TMEM135: variants seen among roughly 807,000 people sequenced by gnomAD.
The protein encoded by TMEM135 is peroxisomal membrane protein 52.
Under a neutral mutation model 60.3 loss-of-function variants are expected in TMEM135, and 30 were observed. The ratio of observed to expected loss-of-function variants is 0.50; its 90% CI spans 0.37 to 0.68. The LOEUF is 0.68. Ranked by LOEUF, TMEM135 falls within the 30% of genes least tolerant of loss-of-function variation. The pLI, the probability that TMEM135 is intolerant of heterozygous loss-of-function variation, is 0.00. For synonymous variants in TMEM135, 190 were observed against 186.7 expected, an observed-to-expected ratio of 1.02 and a Z score of -0.14; for missense variants, 468 against 548.8, an observed-to-expected ratio of 0.85 and a Z score of 1.47.
intron 6 of TMEM135, among the ~76,000 whole-genome samples, chr11:87,239,255 G>T (rs995430406): frequency 6.6e-6 from 1 of 152,016 alleles, no homozygotes; most frequent in African/African-American, 2.4e-5. Flanking sequence ...TGAGGAAAGG[G>T]GTTGTTTTTC....
chr11:87,101,973 C>T (rs1031524145), intron 4 of TMEM135, among the ~76,000 whole-genome samples: 1 of 151,778 alleles, frequency 6.6e-6, no homozygotes, highest in Non-Finnish European at 1.5e-5. Context: ...AACTCCGTCT[C>T]GGGGAAAAAA....
chr11:87,195,355 T>G (rs1939916510), intron 5 of TMEM135, among the ~76,000 whole-genome samples: 1 of 124,624 alleles, frequency 8.0e-6, no homozygotes, highest in African/African-American at 3.0e-5. Flanking sequence ...CCTTCCTTCC[T>G]TCCTTCCTTC....
At chr11:87,187,828 A>T (rs1047077771) in intron 5 of TMEM135, among the ~76,000 whole-genome samples, 4 of 152,182 alleles carry the variant, frequency 2.6e-5, no homozygotes, top group Non-Finnish European at 5.9e-5. Flanking sequence ...AAATAAGCAA[A>T]ATCAGATTCT....
At position 87,321,576 on chromosome 11, in the gene TMEM135, A is replaced by G. The variant is rs1196682163; in HGVS notation, c.*243A>G. 1 of 639,660 alleles carries G rather than the reference A, an allele frequency of 1.6e-6. No individual in the cohort carries two copies. The highest frequency in any genetic ancestry group is 4.1e-4 in the Middle Eastern group (1 of 2,462). The allele number at this position is 639,660 out of a possible 1,614,324, so 39.6% of individuals were successfully genotyped here. A position where few individuals can be genotyped will look rare whatever the true frequency, so the allele number is the denominator to read the frequency against. ...GGATCACTGTAGTGACTGACATTAT[A>G]TATTATTGATCAAATTATGTCCACA... On this transcript the variant is annotated 3_prime_UTR_variant, in exon 15 of 15. Transcript: ENST00000305494.
intron 4 of TMEM135, among the ~76,000 whole-genome samples, chr11:87,144,802 G>T: frequency 6.6e-6 from 1 of 150,588 alleles, no homozygotes. Context: ...GATGTATCTG[G>T]GTATGGTTTT....
At chr11:87,259,047 C>T (rs1169269089) in intron 6 of TMEM135, 1 of 1,431,782 alleles carries the variant, frequency 7.0e-7, no homozygotes, top group Admixed American at 1.7e-5. Context: ...GAAACCTGTA[C>T]ATTTTGTGAG....
At chr11:87,173,737 T>C (rs117977403) in intron 5 of TMEM135, among the ~76,000 whole-genome samples, 3,608 of 152,292 alleles carry the variant, frequency 0.024, 40 homozygotes, top group South Asian at 0.032. Context: ...TAACAGTGTG[T>C]GAACTGGTAG....
At chr11:87,221,994 G>A (rs1216777126) in intron 5 of TMEM135, among the ~76,000 whole-genome samples, 3 of 151,790 alleles carry the variant, frequency 2.0e-5, no homozygotes, top group Admixed American at 6.6e-5. Context: ...TCAGGAGATC[G>A]AGACCATCGA....
chr11:87,075,692 G>A (rs1384119944), intron 3 of TMEM135, among the ~76,000 whole-genome samples: 1 of 152,154 alleles, frequency 6.6e-6, no homozygotes, highest in East Asian at 1.9e-4. Flanking sequence ...ATACATTTCT[G>A]ATTTGTCTGA....
At chr11:87,211,623 CA>C (rs1940371773) in intron 5 of TMEM135, among the ~76,000 whole-genome samples, 1 of 152,126 alleles carries the variant, frequency 6.6e-6, no homozygotes, top group South Asian at 2.1e-4. Context: ...AAGAGAACAG[CA>C]AAACAGATCT....
intron 6 of TMEM135, among the ~76,000 whole-genome samples, chr11:87,260,356 A>G (rs1005006463): frequency 6.6e-6 from 1 of 152,140 alleles, no homozygotes; most frequent in African/African-American, 2.4e-5. Context: ...ATTTTCAGGG[A>G]TTCTTATGAA....
intron 5 of TMEM135, among the ~76,000 whole-genome samples, chr11:87,219,592 T>G (rs1344289009): frequency 6.6e-6 from 1 of 152,130 alleles, no homozygotes; most frequent in Non-Finnish European, 1.5e-5. Context: ...GACACCAATC[T>G]TACTGGATTA....
chr11:87,067,745 C>A lies in TMEM135; in HGVS notation c.193C>A (p.Leu65Ile). The change falls in exon 2 of 15, where the codon CTC (leucine) becomes ATC (isoleucine). Residue 65 changes from leucine (L) to isoleucine (I), a missense_variant. Physicochemically the swap from Leu to Ile is conservative, Grantham distance 5. Coordinates refer to ENST00000305494, the MANE Select transcript of TMEM135 (RefSeq NM_022918.4). ...RKLDYYLHKL[L>I]PEILQSASFL... The stretch of plus-strand genomic sequence containing the variant: ...ATTAGACTATTATTTACACAAACTA[C>A]TCCCTGAGATCCTACAATCCGCTTC... 6.2e-7 allele frequency: 1 copy of A among 1,613,958 alleles called. No individual in the cohort carries two copies. The highest frequency in any genetic ancestry group is 2.2e-5 in the East Asian group (1 of 44,824).
chr11:87,247,487 T>C (rs1591136386), intron 6 of TMEM135, among the ~76,000 whole-genome samples: 1 of 152,076 alleles, frequency 6.6e-6, no homozygotes, highest in African/African-American at 2.4e-5. Context: ...GCAGGCCTCC[T>C]TGAGCTGTGG....
At chr11:87,301,320 CAT>C (rs1184184068) in intron 7 of TMEM135, among the ~76,000 whole-genome samples, 4 of 152,004 alleles carry the variant, frequency 2.6e-5, no homozygotes, top group African/African-American at 9.7e-5. Context: ...GTGGCATGAT[CAT>C]AGCCCACTGT....
At chr11:87,170,931 G>C (rs1425020548) in intron 5 of TMEM135, among the ~76,000 whole-genome samples, 2 of 152,198 alleles carry the variant, frequency 1.3e-5, no homozygotes, top group African/African-American at 4.8e-5. Flanking sequence ...GCAGATGGGA[G>C]TTCTATCTAT....
intron 6 of TMEM135, among the ~76,000 whole-genome samples, chr11:87,286,644 G>C (rs1435055255): frequency 1.3e-5 from 2 of 152,202 alleles, no homozygotes; most frequent in Non-Finnish European, 2.9e-5. Flanking sequence ...GGGCATGGTG[G>C]GCTGCAAGAC....
intron 5 of TMEM135, among the ~76,000 whole-genome samples, chr11:87,172,847 GA>G (rs1190054109): frequency 6.6e-6 from 1 of 151,600 alleles, no homozygotes; most frequent in Non-Finnish European, 1.5e-5. Context: ...TTTTCATGAA[GA>G]ATATTCGTGA....
At chr11:87,094,071 T>G (rs1319005433) in intron 4 of TMEM135, among the ~76,000 whole-genome samples, 2 of 152,180 alleles carry the variant, frequency 1.3e-5, no homozygotes, top group Non-Finnish European at 2.9e-5. Context: ...TTTAAAAAAT[T>G]ACTGAGACAA....
Sources: allele counts gnomAD v4.1 joint callset (sites outside exome capture counted in the v4.1 genomes callset), GRCh38; gene constraint gnomAD v4.1.1; transcripts MANE v1.5; gene names NCBI Gene and HGNC (gene_info 2026-07-23, HGNC 2026-07-21).